The following VTI1A variants were observed in gnomAD, a reference collection of about 807,000 sequenced individuals.
VTI1A encodes the protein vesicle transport through interaction with t-SNAREs homolog 1A.
VTI1A carries 22 observed loss-of-function variants against 34.9 expected under a neutral mutation model. That is an observed-to-expected ratio of 0.63 (90% CI 0.45 to 0.90). VTI1A has a LOEUF of 0.90. VTI1A is among the 40% of genes least tolerant of loss of function. The probability of loss-of-function intolerance (pLI) is 0.00; values close to 1 mark genes in which losing one functional copy is unlikely to be tolerated. For missense variants in VTI1A, 268 were observed against 275.6 expected (o/e 0.97, Z 0.20); for synonymous variants, 87 against 97.3 (o/e 0.89, Z 0.62).
intron 7 of VTI1A, among the ~76,000 whole-genome samples, chr10:112,711,368 G>A (rs894280230): frequency 1.3e-5 from 2 of 152,186 alleles, no homozygotes; most frequent in African/African-American, 4.8e-5. Context: ...AGGTTCAGGG[G>A]CCATGTCAGT....
intron 5 of VTI1A, among the ~76,000 whole-genome samples, chr10:112,570,126 TA>T (rs769941279): frequency 6.6e-6 from 1 of 152,186 alleles, no homozygotes; most frequent in Non-Finnish European, 1.5e-5. Context: ...TTTTCAAATA[TA>T]ACATGCAGTG....
At chr10:112,617,262 AC>A (rs1198476341) in intron 5 of VTI1A, among the ~76,000 whole-genome samples, 1 of 152,226 alleles carries the variant, frequency 6.6e-6, no homozygotes, top group Non-Finnish European at 1.5e-5. Flanking sequence ...AATAACTGCC[AC>A]CCTAGAATTG....
chr10:112,826,631 G>A, the VTI1A span: 1 of 152,206 alleles, frequency 6.6e-6, no homozygotes, highest in Non-Finnish European at 1.5e-5. Context: ...ATACAAAGAT[G>A]CCAGCATGAA....
At chr10:112,544,751 A>G (rs530451162) in intron 5 of VTI1A, among the ~76,000 whole-genome samples, 1 of 152,326 alleles carries the variant, frequency 6.6e-6, no homozygotes, top group East Asian at 1.9e-4. Flanking sequence ...GCTGGGACAG[A>G]TGATTCTGAG....
chr10:112,670,695 G>A (rs555374038), intron 7 of VTI1A, among the ~76,000 whole-genome samples: 195 of 152,256 alleles, frequency 1.3e-3, no homozygotes, highest in Non-Finnish European at 2.5e-3. Context: ...TCATAATAAC[G>A]TGGTTGTTTC....
At chr10:112,585,087 T>G (rs1844092519) in intron 5 of VTI1A, among the ~76,000 whole-genome samples, 1 of 152,216 alleles carries the variant, frequency 6.6e-6, no homozygotes, top group Non-Finnish European at 1.5e-5. Flanking sequence ...GTGGATCAAC[T>G]TATGTAGAAT....
At chr10:112,755,041 G>A (rs567898377) in intron 7 of VTI1A, among the ~76,000 whole-genome samples, 5 of 152,194 alleles carry the variant, frequency 3.3e-5, no homozygotes, top group African/African-American at 1.2e-4. Context: ...CAGGAGTTGA[G>A]GCCAGGAGTT....
chr10:112,766,181 A>G (rs1451242454), intron 7 of VTI1A, among the ~76,000 whole-genome samples: 1 of 152,232 alleles, frequency 6.6e-6, no homozygotes. Flanking sequence ...AAGGTTAAGC[A>G]TAAAAGGAGA....
intron 4 of VTI1A, among the ~76,000 whole-genome samples, chr10:112,533,297 C>T (rs1285945176): frequency 6.6e-6 from 1 of 152,056 alleles, no homozygotes; most frequent in Non-Finnish European, 1.5e-5. Context: ...GAGAATTTCA[C>T]ACTATTCTCT....
intron 5 of VTI1A, among the ~76,000 whole-genome samples, chr10:112,603,221 T>C (rs1844944236): frequency 6.6e-6 from 1 of 152,216 alleles, no homozygotes; most frequent in Non-Finnish European, 1.5e-5. Flanking sequence ...AGCATGAGTA[T>C]AACAAGCTAA....
intron 7 of VTI1A, among the ~76,000 whole-genome samples, chr10:112,688,212 C>A (rs1848491851): frequency 6.6e-6 from 1 of 151,964 alleles, no homozygotes; most frequent in Admixed American, 6.6e-5. Flanking sequence ...CCTCAGCCTC[C>A]CAAAGTGCTG....
intron 1 of VTI1A, among the ~76,000 whole-genome samples, chr10:112,456,261 A>G (rs989383167): frequency 2.0e-5 from 3 of 152,030 alleles, no homozygotes; most frequent in Admixed American, 2.0e-4. Context: ...TTCTACTAAT[A>G]TAATACAAAA....
At chr10:112,617,255 A>C (rs1002179493) in intron 5 of VTI1A, among the ~76,000 whole-genome samples, 1 of 152,202 alleles carries the variant, frequency 6.6e-6, no homozygotes, top group Non-Finnish European at 1.5e-5. Context: ...AAGGGAAAAT[A>C]ACTGCCACCC....
At chr10:112,534,964 T>C (rs549969938) in intron 4 of VTI1A, among the ~76,000 whole-genome samples, 10 of 152,340 alleles carry the variant, frequency 6.6e-5, no homozygotes, top group African/African-American at 2.4e-4. Flanking sequence ...GAGTATTGTT[T>C]ATGTATTAAA....
At chr10:112,623,530 A>C (rs565608608) in intron 5 of VTI1A, among the ~76,000 whole-genome samples, 16 of 151,010 alleles carry the variant, frequency 1.1e-4, no homozygotes, top group African/African-American at 3.9e-4. Flanking sequence ...CTGGCTGAGA[A>C]CTCTCTTTGG....
At chr10:112,496,719 T>G (rs1454713438) in intron 3 of VTI1A, among the ~76,000 whole-genome samples, 1 of 152,268 alleles carries the variant, frequency 6.6e-6, no homozygotes, top group East Asian at 1.9e-4. Flanking sequence ...CAATGGGCAC[T>G]GCAATTTTTC....
intron 7 of VTI1A, among the ~76,000 whole-genome samples, chr10:112,720,729 G>A (rs544645122): frequency 7.9e-5 from 12 of 152,242 alleles, no homozygotes; most frequent in East Asian, 5.8e-4. Context: ...TTTGTTTTCC[G>A]TTTGGTTAGC....
chr10:112,633,300 T>C (rs929103051), intron 5 of VTI1A, among the ~76,000 whole-genome samples: 4 of 152,198 alleles, frequency 2.6e-5, no homozygotes, highest in Non-Finnish European at 5.9e-5. Context: ...ATCCTTTGAG[T>C]ACTCCGCATG....
chr10:112,537,135 A>G (rs1373884031), intron 4 of VTI1A, among the ~76,000 whole-genome samples: 1 of 151,624 alleles, frequency 6.6e-6, no homozygotes, highest in Non-Finnish European at 1.5e-5. Context: ...TTTAAATGAC[A>G]TCTGTCAACA....
Sources: gnomAD v4.1 joint callset for allele counts (sites outside exome capture counted in the v4.1 genomes callset) on GRCh38, gnomAD v4.1.1 for gene constraint, MANE v1.5 for transcripts, NCBI Gene and HGNC (gene_info 2026-07-23, HGNC 2026-07-21) for gene names.